Variants in EPHA3 observed in about 807,000 individuals in gnomAD.
EPHA3 encodes ephrin type-A receptor 3.
A neutral mutation model predicts 107.1 loss-of-function variants in EPHA3; 42 were observed. That is an observed-to-expected ratio of 0.39 (90% CI 0.31 to 0.51). The LOEUF is 0.51. Among genes scored for constraint, EPHA3 ranks in the 20% least tolerant of loss-of-function variants. The pLI is 0.78. For missense variants in EPHA3, 1,183 were observed against 1,211.2 expected (o/e 0.98, Z 0.35); for synonymous variants, 461 against 424.8 (o/e 1.09, Z -1.05).
In EPHA3 at chr3:89,413,129, T is replaced by C. The variant is rs1425778671; in HGVS notation, c.1763-12T>C. The C allele has an allele frequency of 6.2e-7, 1 of 1,610,394 alleles. No individual in the cohort carries two copies. The highest frequency in any genetic ancestry group is 1.3e-5 in the African/African-American group (1 of 74,632). On this transcript the variant is annotated splice_polypyrimidine_tract_variant and intron_variant, in intron 9 of 16. Transcript: ENST00000336596. ...TAGCTACAATTGCGCCTTTCTTTCT[T>C]TCCTCAAACAGTAAAACTTCCAGGT...
intron 10 of EPHA3, 91 bp downstream of exon 10, chr3:89,413,357 G>A (rs1559686853): frequency 2.7e-6 from 4 of 1,488,950 alleles, no homozygotes; most frequent in African/African-American, 1.4e-5. Context: ...TAAAGAAATG[G>A]GAATTTTCTG....
chr3:89,457,586 C>G (rs761777075), intron 15 of EPHA3, among the ~76,000 whole-genome samples: 1 of 152,208 alleles, frequency 6.6e-6, no homozygotes, highest in African/African-American at 2.4e-5. Context: ...TTCCATGAAA[C>G]TGGCCCCTGG....
chr3:89,225,297 A>G (rs1258172375), intron 3 of EPHA3, among the ~76,000 whole-genome samples: 6 of 152,182 alleles, frequency 3.9e-5, no homozygotes, highest in African/African-American at 1.4e-4. Flanking sequence ...AAAATATTCT[A>G]TGAATCCTCG....
At chr3:89,366,181 A>G (rs115454375) in intron 5 of EPHA3, among the ~76,000 whole-genome samples, 2,269 of 150,614 alleles carry the variant, frequency 0.015, 57 homozygotes, top group African/African-American at 0.052. Flanking sequence ...AACAGAACCA[A>G]TACATTCATC....
intron 3 of EPHA3, among the ~76,000 whole-genome samples, chr3:89,247,137 G>A (rs1184879006): frequency 6.6e-6 from 1 of 152,084 alleles, no homozygotes; most frequent in Non-Finnish European, 1.5e-5. Flanking sequence ...TTACCAAAAA[G>A]TCCTAGTTTG....
At chr3:89,186,526 A>G (rs1213089290) in intron 2 of EPHA3, among the ~76,000 whole-genome samples, 21 of 152,056 alleles carry the variant, frequency 1.4e-4, no homozygotes, top group Admixed American at 1.4e-3. Context: ...AACAACTCAA[A>G]CTTCACATTG....
rs1273217724 is a variant in EPHA3, at chr3:89,341,767, C to T, written c.983C>T (p.Ser328Leu). The change falls in exon 5 of 17, where the codon TCA (serine) becomes TTA (leucine). Residue 328 changes from serine (S) to leucine (L), a missense_variant. Coordinates refer to ENST00000336596, the MANE Select transcript of EPHA3 (RefSeq NM_005233.6). ...AACTACTTTGCAGGACCTCCATCTTCACCAAGAAATGTTATCTCTAATATA... is the reference window on the plus strand; with the variant it reads ...AACTACTTTGCAGGACCTCCATCTTTACCAAGAAATGTTATCTCTAATATA... The part of the protein sequence containing the change: ...PSMACTRPPS[S>L]PRNVISNINE... 4.3e-6 allele frequency: 7 copies of T among 1,609,360 alleles called. No homozygotes were observed. The highest frequency in any genetic ancestry group is 1.7e-5 in the Admixed American group (1 of 59,550).
Position 89,387,934 on chromosome 3 carries a change from T to C in EPHA3, c.1307-7903T>C, listed in dbSNP as rs562577274. 5.1e-4 allele frequency among the ~76,000 whole-genome samples: 77 copies of C among 152,300 alleles called. 1 individual carries two copies. In the South Asian group the frequency reaches 5.8e-3, roughly 11 times the overall value. ...ATTCAATGATTAAAATTTTGGAGTT[T>C]TAGTCTTTAGAAAAGACTAAATCTT... On this transcript the variant is annotated intron_variant, in intron 5 of 16. Transcript: ENST00000336596.
chr3:89,398,044 A>G (rs1227463853), intron 6 of EPHA3, among the ~76,000 whole-genome samples: 1 of 152,228 alleles, frequency 6.6e-6, no homozygotes, highest in Non-Finnish European at 1.5e-5. Flanking sequence ...AATTAATTCT[A>G]AATATTTATA....
At chr3:89,115,244 ATC>A (rs925007340) in intron 1 of EPHA3, among the ~76,000 whole-genome samples, 2 of 138,996 alleles carry the variant, frequency 1.4e-5, no homozygotes, top group Non-Finnish European at 3.1e-5. Context: ...AATGAAGAAT[ATC>A]TTTTTTTTTT....
At chr3:89,328,758 A>G (rs1707226270) in intron 3 of EPHA3, among the ~76,000 whole-genome samples, 1 of 152,186 alleles carries the variant, frequency 6.6e-6, no homozygotes, top group Non-Finnish European at 1.5e-5. Context: ...CAGGAAAAAG[A>G]GATAATACCA....
At chr3:89,317,989 G>T (rs559898633) in intron 3 of EPHA3, among the ~76,000 whole-genome samples, 2 of 151,702 alleles carry the variant, frequency 1.3e-5, no homozygotes, top group Admixed American at 6.6e-5. Flanking sequence ...TATTGCACAC[G>T]GGGTTAATTA....
chr3:89,267,446 T>C (rs1393114979), intron 3 of EPHA3, among the ~76,000 whole-genome samples: 1 of 152,120 alleles, frequency 6.6e-6, no homozygotes, highest in Non-Finnish European at 1.5e-5. Flanking sequence ...ATTTATTTTG[T>C]CTGGAATCCT....
Position 89,107,789 on chromosome 3 carries a change from C to G in EPHA3, c.41C>G (p.Ser14Cys). 1 of 1,614,218 alleles carries G rather than the reference C, an allele frequency of 6.2e-7. No individual in the cohort carries two copies. Among genetic ancestry groups the G allele is most frequent in the African/African-American group, 1.3e-5 (1 of 75,060 alleles). The part of the protein sequence containing the change: ...QLSILLLLSC[S>C]VLDSFGELIP... ...TCCATCCTCCTCCTTCTCAGCTGCT[C>G]TGTTCTCGACAGCTTCGGGGAACTG... Residue 14 changes from serine (S) to cysteine (C), a missense_variant, in exon 1 of 17, where the codon TCT becomes TGT. By Grantham distance (112) the Ser-to-Cys change is moderately radical (BLOSUM62 -1). Coordinates refer to ENST00000336596, the MANE Select transcript of EPHA3 (RefSeq NM_005233.6).
At chr3:89,226,342 G>T (rs566499280) in intron 3 of EPHA3, among the ~76,000 whole-genome samples, 3 of 152,082 alleles carry the variant, frequency 2.0e-5, no homozygotes, top group African/African-American at 4.8e-5. Context: ...ACAGGTCCTG[G>T]CACCTAACAA....
chr3:89,243,660 G>C (rs551402921), intron 3 of EPHA3, among the ~76,000 whole-genome samples: 1 of 152,214 alleles, frequency 6.6e-6, no homozygotes, highest in South Asian at 2.1e-4. Context: ...CAGAGGAGTA[G>C]CCCTTCGTCA....
intron 2 of EPHA3, among the ~76,000 whole-genome samples, chr3:89,149,570 G>C (rs987988307): frequency 3.3e-5 from 5 of 151,656 alleles, no homozygotes; most frequent in African/African-American, 7.3e-5. Context: ...GTGCCATGTT[G>C]TGTGCTGCAC....
chr3:89,238,189 C>T (rs1367112139), intron 3 of EPHA3, among the ~76,000 whole-genome samples: 3 of 152,052 alleles, frequency 2.0e-5, no homozygotes, highest in African/African-American at 7.2e-5. Flanking sequence ...TTTTCTCAAA[C>T]ATTAAGAAAA....
intron 5 of EPHA3, among the ~76,000 whole-genome samples, chr3:89,369,810 G>GA (rs1181406418): frequency 6.7e-6 from 1 of 149,238 alleles, no homozygotes; most frequent in Non-Finnish European, 1.5e-5. Flanking sequence ...AAATTTACAA[G>GA]AAAAAAACAA....
Sources: gnomAD v4.1 joint callset for allele counts (sites outside exome capture counted in the v4.1 genomes callset) on GRCh38, gnomAD v4.1.1 for gene constraint, MANE v1.5 for transcripts, NCBI Gene and HGNC (gene_info 2026-07-23, HGNC 2026-07-21) for gene names.